Variants in ATP9A observed in about 807,000 individuals in gnomAD.
ATP9A encodes probable phospholipid-transporting ATPase IIA.
A neutral mutation model predicts 144.1 loss-of-function variants in ATP9A; 52 were observed. The observed-to-expected ratio is 0.36, with a 90% CI of 0.29 to 0.45. ATP9A has a LOEUF of 0.45. Among genes scored for constraint, ATP9A ranks in the 20% least tolerant of loss-of-function variants. ATP9A has a pLI of 1.00. For synonymous variants in ATP9A, 582 were observed against 557.4 expected (o/e 1.04, Z -0.62); for missense variants, 947 against 1,392.7 (o/e 0.68, Z 5.09).
intron 7 of ATP9A, among the ~76,000 whole-genome samples, chr20:51,691,959 T>C (rs1014987094): frequency 1.3e-5 from 2 of 152,210 alleles, no homozygotes; most frequent in African/African-American, 4.8e-5. Flanking sequence ...GGATGAACCT[T>C]GAAGACATTA....
chr20:51,634,587 C>G, intron 15 of ATP9A, among the ~76,000 whole-genome samples: 1 of 152,174 alleles, frequency 6.6e-6, no homozygotes, highest in Middle Eastern at 3.4e-3. Context: ...CCGAGCGTGG[C>G]GGCTCACTTC....
chr20:51,671,810 T>C (rs2077457272), intron 11 of ATP9A, among the ~76,000 whole-genome samples: 1 of 152,102 alleles, frequency 6.6e-6, no homozygotes, highest in Admixed American at 6.6e-5. Context: ...ACTACTTTTT[T>C]TTTTTTGAGA....
intron 4 of ATP9A, among the ~76,000 whole-genome samples, chr20:51,697,767 T>C (rs901915453): frequency 6.6e-6 from 1 of 152,124 alleles, no homozygotes; most frequent in African/African-American, 2.4e-5. Context: ...AGATGGAAAG[T>C]AGTGGGGGGA....
At chr20:51,615,026 C>A (rs954864238) in intron 22 of ATP9A, among the ~76,000 whole-genome samples, 1 of 124,454 alleles carries the variant, frequency 8.0e-6, no homozygotes, top group Non-Finnish European at 1.6e-5. Context: ...AATGTTAACA[C>A]GGGGTTGAGC....
intron 14 of ATP9A, among the ~76,000 whole-genome samples, chr20:51,641,041 A>G (rs1327244591): frequency 8.5e-5 from 13 of 152,152 alleles, no homozygotes. Flanking sequence ...CCTAGGTAAC[A>G]CAAGGAGACC....
chr20:51,669,977 G>A lies in ATP9A; in HGVS notation c.1293+20C>T, dbSNP rs944370801. On this transcript the variant is annotated intron_variant, in intron 13 of 27. Coordinates refer to ENST00000338821, the MANE Select transcript of ATP9A (RefSeq NM_006045.3). The stretch of plus-strand genomic sequence containing the variant: ...AAAAAGTCAAAGAATTGTTTTGGGT[G>A]TTGAAATGGAAGGCTTTACCTGGGT... 4 of 1,568,768 alleles carry A rather than the reference G, an allele frequency of 2.5e-6. No homozygotes were observed. In the African/African-American group the frequency reaches 4.1e-5, roughly 16 times the overall value.
Position 51,676,210 on chromosome 20 carries a change from T to C in ATP9A, c.800-2A>G. On this transcript the variant is annotated splice_acceptor_variant, in intron 9 of 27. Coordinates refer to ENST00000338821, the MANE Select transcript of ATP9A (RefSeq NM_006045.3). LOFTEE classifies it high-confidence loss of function. ...AAAGAACAACACCCACAACAGTACC[T>C]AAAATGGAAAAAAGAAAAAAAAAAA... 1 of 1,531,458 alleles carries C rather than the reference T, an allele frequency of 6.5e-7. No individual in the cohort carries two copies. 94.9% of individuals were successfully genotyped at this position (1,531,458 alleles called of 1,614,324 possible). A position where few individuals can be genotyped will look rare whatever the true frequency, so the allele number is the denominator to read the frequency against.
intron 4 of ATP9A, among the ~76,000 whole-genome samples, chr20:51,703,684 T>A (rs1040498829): frequency 6.6e-6 from 1 of 152,224 alleles, no homozygotes; most frequent in African/African-American, 2.4e-5. Flanking sequence ...AGAAACCAGA[T>A]GTTTCCCTTG....
At position 51,601,229 on chromosome 20, in the gene ATP9A, G is replaced by A. The variant is rs2077141560; in HGVS notation, c.3126C>T (p.Tyr1042=). 3 of 1,613,082 alleles carry A rather than the reference G, an allele frequency of 1.9e-6. No homozygotes were observed. Among genetic ancestry groups the A allele is most frequent in the Non-Finnish European group, 2.5e-6 (3 of 1,179,514 alleles). Residue 1042 remains tyrosine (Y), a synonymous_variant, in exon 28 of 28, where the codon TAC becomes TAT. Transcript: ENST00000338821. ...YLRRRFSPPS[Y]SKLTS is the part of the protein sequence containing the mutation. ...GCACGGCCTATGATGTGAGCTTTGAGTAGCTGGGGGGAGAGAACCGTCTTC... is the reference window on the plus strand; with the variant it reads ...GCACGGCCTATGATGTGAGCTTTGAATAGCTGGGGGGAGAGAACCGTCTTC...
intron 4 of ATP9A, among the ~76,000 whole-genome samples, chr20:51,703,452 T>C (rs1180839821): frequency 6.6e-6 from 1 of 152,200 alleles, no homozygotes; most frequent in Non-Finnish European, 1.5e-5. Flanking sequence ...TCCTAAATCA[T>C]TAAAAGTCTT....
At chr20:51,735,912 G>A (rs771967883) in intron 1 of ATP9A, among the ~76,000 whole-genome samples, 7 of 152,192 alleles carry the variant, frequency 4.6e-5, no homozygotes, top group Admixed American at 1.3e-4. Flanking sequence ...ATTCAGTAGC[G>A]AACAGGACAG....
intron 1 of ATP9A, among the ~76,000 whole-genome samples, chr20:51,732,202 G>GGA (rs548088450): frequency 2.5e-3 from 379 of 152,226 alleles, no homozygotes; most frequent in Non-Finnish European, 4.2e-3. Flanking sequence ...TTGTCCTTCA[G>GGA]GAGAGCTTTA....
chr20:51,622,876 G>A (rs1043268502), intron 18 of ATP9A, among the ~76,000 whole-genome samples: 1 of 152,016 alleles, frequency 6.6e-6, no homozygotes, highest in Non-Finnish European at 1.5e-5. Flanking sequence ...TGGGGCTATC[G>A]GTCAAAGAAA....
chr20:51,602,600 T>C (rs1006374530), intron 27 of ATP9A, among the ~76,000 whole-genome samples: 1 of 152,204 alleles, frequency 6.6e-6, no homozygotes, highest in Non-Finnish European at 1.5e-5. Flanking sequence ...GCACAGTAAA[T>C]GCTCACAAAT....
At chr20:51,652,748 C>T (rs948981313) in intron 14 of ATP9A, among the ~76,000 whole-genome samples, 8 of 152,024 alleles carry the variant, frequency 5.3e-5, no homozygotes, top group Non-Finnish European at 2.9e-5. Context: ...CTGATCAATG[C>T]ATTCATGTGT....
chr20:51,718,079 T>C (rs1198708545), intron 3 of ATP9A, among the ~76,000 whole-genome samples: 6 of 152,088 alleles, frequency 3.9e-5, no homozygotes, highest in African/African-American at 1.4e-4. Flanking sequence ...CCCCAAGACA[T>C]TGCAGCCAGG....
intron 18 of ATP9A, 99 bp downstream of exon 18, chr20:51,625,093 G>T: frequency 8.2e-7 from 1 of 1,218,468 alleles, no homozygotes; most frequent in Non-Finnish European, 1.1e-6. Flanking sequence ...GGTGTCCTCT[G>T]CTGCTCCTCC....
intron 9 of ATP9A, among the ~76,000 whole-genome samples, chr20:51,687,267 G>A (rs914862010): frequency 1.3e-5 from 2 of 152,066 alleles, no homozygotes; most frequent in Admixed American, 6.6e-5. Flanking sequence ...ACTGAGAGAC[G>A]TACCAAAGTA....
chr20:51,598,146 A>T lies in ATP9A; in HGVS notation c.*3065T>A, dbSNP rs536984755. 1.4e-5 allele frequency: 2 copies of T among 137,992 alleles called. No individual in the cohort carries two copies. Among genetic ancestry groups the T allele is most frequent in the South Asian group, 2.2e-4 (1 of 4,452 alleles). The allele number at this position is 137,992 out of a possible 1,614,324, so 8.5% of individuals were successfully genotyped here. On this transcript the variant is annotated 3_prime_UTR_variant, in exon 28 of 28. Transcript: ENST00000338821. ...TGTCCCACATAAGAAATTACTCAAG[A>T]TGGAAAAACTAGTCTGGTGATTTTC...
Sources: gnomAD v4.1 joint callset for allele counts (sites outside exome capture counted in the v4.1 genomes callset) on GRCh38, gnomAD v4.1.1 for gene constraint, MANE v1.5 for transcripts, NCBI Gene and HGNC (gene_info 2026-07-23, HGNC 2026-07-21) for gene names.